The following JAK1 variants were observed in gnomAD, a reference collection of about 807,000 sequenced individuals.
The protein encoded by JAK1 is Janus kinase 1.
In JAK1, 16 loss-of-function variants were observed where a neutral mutation model predicts 136.6. That is an observed-to-expected ratio of 0.12 (90% CI 0.08 to 0.18). The LOEUF is 0.18. Among genes scored for constraint, JAK1 ranks in the 10% least tolerant of loss-of-function variants. The pLI, the probability that JAK1 is intolerant of heterozygous loss-of-function variation, is 1.00. For missense variants in JAK1, 859 were observed against 1,450.1 expected, an observed-to-expected ratio of 0.59 and a Z score of 6.62; for synonymous variants, 492 against 519.5, an observed-to-expected ratio of 0.95 and a Z score of 0.72.
At chr1:64,835,221 A>G (rs1003264418) in intron 24 of JAK1, among the ~76,000 whole-genome samples, 175 bp downstream of exon 24, 1 of 152,232 alleles carries the variant, frequency 6.6e-6, no homozygotes, top group African/African-American at 2.4e-5. Context: ...GCTATCATCT[A>G]GCCCCAAAGG....
At chr1:64,884,623 C>T (rs1160942149) in intron 2 of JAK1, among the ~76,000 whole-genome samples, 1 of 152,194 alleles carries the variant, frequency 6.6e-6, no homozygotes, top group African/African-American at 2.4e-5. Context: ...TCCTCCCCTA[C>T]CCAATGCTAC....
chr1:64,934,503 G>C (rs1645753945), intron 1 of JAK1, among the ~76,000 whole-genome samples: 1 of 152,174 alleles, frequency 6.6e-6, no homozygotes, highest in South Asian at 2.1e-4. Context: ...AAAAACAACA[G>C]TGAAGGAAGA....
In JAK1 at chr1:64,938,453, T is replaced by C. The variant is rs772580077; in HGVS notation, c.-78+27880A>G. Among the ~76,000 whole-genome samples the C allele has an allele frequency of 5.3e-5, 8 of 152,324 alleles. No individual in the cohort carries two copies. The South Asian group carries it at 1.0e-3, about 20-fold the overall frequency. ...ATACTTGTCTGAACTCTTGATTCCA[T>C]GTTATTACATGAACTAAGTGAAGAC... On this transcript the variant is annotated intron_variant, in intron 1 of 24. Coordinates refer to ENST00000342505, the MANE Select transcript of JAK1 (RefSeq NM_002227.4).
At chr1:64,890,999 T>C (rs566660129) in intron 1 of JAK1, among the ~76,000 whole-genome samples, 1 of 152,316 alleles carries the variant, frequency 6.6e-6, no homozygotes, top group African/African-American at 2.4e-5. Flanking sequence ...AAAAATAGCA[T>C]TTATCTCACT....
intron 1 of JAK1, among the ~76,000 whole-genome samples, chr1:65,059,029 T>A (rs949837617): frequency 6.6e-6 from 1 of 152,150 alleles, no homozygotes; most frequent in Non-Finnish European, 1.5e-5. Flanking sequence ...CTGCTCTATA[T>A]GTTTTCTCAT....
In JAK1 at chr1:64,883,394, C is replaced by T; in HGVS notation, c.88G>A (p.Glu30Lys). Reference protein sequence around the residue: ...RSSKKTEVNLEAPEPGVEVIF... With the variant: ...RSSKKTEVNLKAPEPGVEVIF... The stretch of plus-strand genomic sequence containing the variant: ...ACTTCCACCCCTGGCTCAGGGGCCT[C>T]CAGGTTCACCTCAGTCTTCTTGGAG... Residue 30 changes from glutamate to lysine, a missense_variant, in exon 3 of 25, where the codon GAG becomes AAG. By Grantham distance (56) the Glu-to-Lys change is moderately conservative (BLOSUM62 1). This residue lies in a region of JAK1 where 353 missense variants were observed against 494.0 expected (regional missense o/e 0.71). Coordinates refer to ENST00000342505, the MANE Select transcript of JAK1 (RefSeq NM_002227.4). 6.2e-7 allele frequency: 1 copy of T among 1,614,096 alleles called. No individual in the cohort carries two copies. Among genetic ancestry groups the T allele is most frequent in the Non-Finnish European group, 8.5e-7 (1 of 1,179,924 alleles).
At chr1:64,956,772 G>A (rs1192147752) in intron 1 of JAK1, among the ~76,000 whole-genome samples, 1 of 152,168 alleles carries the variant, frequency 6.6e-6, no homozygotes, top group East Asian at 1.9e-4. Flanking sequence ...AGGGACAACT[G>A]GAGCTCAGGC....
intron 1 of JAK1, among the ~76,000 whole-genome samples, chr1:64,912,205 G>T (rs1297926758): frequency 2.0e-5 from 3 of 152,080 alleles, no homozygotes; most frequent in African/African-American, 4.8e-5. Context: ...ACAATTTTTT[G>T]AACTCTCCAG....
At chr1:65,011,456 C>CA in intron 2 of JAK1, among the ~76,000 whole-genome samples, 1 of 152,124 alleles carries the variant, frequency 6.6e-6, no homozygotes, top group East Asian at 1.9e-4. Flanking sequence ...TCTCAAAAAA[C>CA]AAACAAACAA....
At chr1:64,845,979 G>C (rs1490020978) in intron 14 of JAK1, among the ~76,000 whole-genome samples, 2 of 152,218 alleles carry the variant, frequency 1.3e-5, no homozygotes, top group Non-Finnish European at 2.9e-5. Flanking sequence ...CACCACTGCT[G>C]CTGTTCTACA....
Position 64,984,806 on chromosome 1 carries a change from G to T in JAK1, c.-78+59674C>A. On this transcript the variant is annotated intron_variant, in intron 2 of 25. Transcript: ENST00000671954. This position sits in a 1 kb window ranked among gnomAD's most constrained non-coding sequence, Gnocchi z 4.1. Reference sequence around the variant, plus strand: ...GGAAGTCGGTGAAGATAATAAAAACGTAGGCTCCTAAATAGTAAGCAGCAG... The same window carrying T: ...GGAAGTCGGTGAAGATAATAAAAACTTAGGCTCCTAAATAGTAAGCAGCAG... 9.3e-7 allele frequency: 1 copy of T among 1,073,180 alleles called. No homozygotes were observed. The highest frequency in any genetic ancestry group is 1.4e-6 in the Non-Finnish European group (1 of 715,314). 66.5% of individuals were successfully genotyped at this position (1,073,180 alleles called of 1,614,324 possible).
intron 1 of JAK1, among the ~76,000 whole-genome samples, chr1:64,917,618 C>T (rs2100342520): frequency 6.6e-6 from 1 of 152,234 alleles, no homozygotes; most frequent in African/African-American, 2.4e-5. Context: ...GGACCAAATT[C>T]CTAATGGAAT....
chr1:64,880,139 G>A (rs1027747260), intron 3 of JAK1, among the ~76,000 whole-genome samples: 1 of 152,110 alleles, frequency 6.6e-6, no homozygotes, highest in East Asian at 1.9e-4. Flanking sequence ...GCACACCCAG[G>A]CGGGGACTCT....
chr1:65,038,119 GCACTGTGT>G (rs1647092844), intron 2 of JAK1, among the ~76,000 whole-genome samples: 1 of 151,948 alleles, frequency 6.6e-6, no homozygotes, highest in East Asian at 1.9e-4. Context: ...GTGCAACAGG[GCACTGTGT>G]CCAGAAGGGC....
chr1:64,938,433 T>A (rs2100499234), intron 1 of JAK1, among the ~76,000 whole-genome samples: 1 of 152,324 alleles, frequency 6.6e-6, no homozygotes, highest in Non-Finnish European at 1.5e-5. Context: ...CATTTATACT[T>A]GTCTGAACTC....
intron 1 of JAK1, among the ~76,000 whole-genome samples, chr1:64,911,065 C>T (rs899286686): frequency 7.9e-6 from 1 of 126,162 alleles, no homozygotes; most frequent in East Asian, 2.5e-4. Flanking sequence ...CCATGATAAA[C>T]AAGAAAATTA....
intron 1 of JAK1, among the ~76,000 whole-genome samples, chr1:64,948,857 G>A (rs1646032127): frequency 1.3e-5 from 2 of 152,206 alleles, no homozygotes; most frequent in African/African-American, 4.8e-5. Context: ...AGCCCAGAAT[G>A]TTAATGGTAC....
intron 6 of JAK1, 37 bp downstream of exon 6, chr1:64,869,274 C>A (rs775131851): frequency 6.3e-7 from 1 of 1,595,804 alleles, no homozygotes; most frequent in African/African-American, 1.3e-5. Context: ...ACACCACCAT[C>A]CTCACAATCA....
At chr1:64,857,448 G>C (rs550450943) in intron 10 of JAK1, among the ~76,000 whole-genome samples, 2 of 152,202 alleles carry the variant, frequency 1.3e-5, no homozygotes, top group East Asian at 3.9e-4. Flanking sequence ...GGGCCCTACA[G>C]GGGGAGGATG....
Sources: gnomAD v4.1 joint callset for allele counts (sites outside exome capture counted in the v4.1 genomes callset) on GRCh38, gnomAD v4.1.1 for gene constraint, gnomAD v4.1.1 regional missense constraint, Gnocchi (gnomAD v3.1) non-coding constraint, MANE v1.5 for transcripts, NCBI Gene and HGNC (gene_info 2026-07-23, HGNC 2026-07-21) for gene names.